Variants in NEBL observed in about 807,000 individuals in gnomAD.
NEBL encodes LIM and SH3 protein 2.
In NEBL, 122 loss-of-function variants were observed where a neutral mutation model predicts 140.2. The observed-to-expected ratio is 0.87, with a 90% CI of 0.75 to 1.01. NEBL has a LOEUF of 1.01. Among genes scored for constraint, NEBL ranks in the 50% least tolerant of loss-of-function variants. The pLI, the probability that NEBL is intolerant of heterozygous loss-of-function variation, is 0.00. For missense variants in NEBL, 1,365 were observed against 1,231.3 expected (o/e 1.11, Z -1.62); for synonymous variants, 436 against 398.9 (o/e 1.09, Z -1.11).
In NEBL at chr10:21,202,503, G is replaced by A. The variant is rs1455152055; in HGVS notation, n.349-30026C>T. On this transcript the variant is annotated intron_variant and non_coding_transcript_variant, in intron 3 of 8. Transcript: ENST00000675702. Reference sequence around the variant, plus strand: ...TTTTGAAACAGAGTCTTGCTCTGTCGCCCAGGCTGGAGTGCAGTGGCGTGA... The same window carrying A: ...TTTTGAAACAGAGTCTTGCTCTGTCACCCAGGCTGGAGTGCAGTGGCGTGA... Among the ~76,000 whole-genome samples, 6 of 124,538 alleles carry A rather than the reference G, an allele frequency of 4.8e-5. No homozygotes were observed. The South Asian group carries it at 7.3e-4, about 15-fold the overall frequency. The allele number at this position is 124,538 out of a possible 152,430, so 81.7% of individuals were successfully genotyped here. A position where few individuals can be genotyped will look rare whatever the true frequency, so the allele number is the denominator to read the frequency against.
At chr10:21,162,718 G>C (rs1840605214) in intron 2 of NEBL, among the ~76,000 whole-genome samples, 1 of 152,170 alleles carries the variant, frequency 6.6e-6, no homozygotes, top group Non-Finnish European at 1.5e-5. Flanking sequence ...TACAAAGCAG[G>C]CTCTTTGATA....
intron 4 of NEBL, among the ~76,000 whole-genome samples, chr10:20,916,867 G>GAAAAAGAATATA (rs1848578644): frequency 6.6e-6 from 1 of 152,146 alleles, no homozygotes; most frequent in Non-Finnish European, 1.5e-5. Context: ...TACAAGTCCT[G>GAAAAAGAATATA]CAGTGTATTG....
intron 1 of NEBL, among the ~76,000 whole-genome samples, chr10:21,280,619 CTTTTT>C (rs554320752): frequency 1.0e-5 from 1 of 98,134 alleles, no homozygotes. Context: ...TTTCTTTTTC[CTTTTT>C]TTTTTTTTTT....
chr10:20,879,978 G>A (rs574152946), intron 5 of NEBL, among the ~76,000 whole-genome samples: 7 of 152,268 alleles, frequency 4.6e-5, no homozygotes, highest in African/African-American at 1.7e-4. Context: ...GACTTCCTCC[G>A]TTTTGGCTTT....
intron 4 of NEBL, among the ~76,000 whole-genome samples, chr10:20,915,364 C>A (rs11012387): frequency 0.092 from 13,806 of 150,088 alleles, 686 homozygotes; most frequent in Admixed American, 0.12. Context: ...ACTAACTCAG[C>A]ATCTAGCATT....
At chr10:21,176,449 CA>C (rs1162963531), upstream of NEBL, among the ~76,000 whole-genome samples, 1 of 152,188 alleles carries the variant, frequency 6.6e-6, no homozygotes, top group African/African-American at 2.4e-5. Flanking sequence ...ATTTTTCTCT[CA>C]TTTTTTTCTC....
intron 26 of NEBL, among the ~76,000 whole-genome samples, chr10:20,797,750 C>G (rs1297612850): frequency 1.3e-5 from 2 of 151,992 alleles, no homozygotes; most frequent in African/African-American, 4.8e-5. Flanking sequence ...ACAGACAGAA[C>G]AGTAGACAAG....
At position 20,819,504 on chromosome 10, in the gene NEBL, C is replaced by A; in HGVS notation, c.1975G>T (p.Glu659Ter). The change falls in exon 20 of 28, where the codon GAG (glutamate) becomes TAG (stop). Residue 659 changes from glutamate (E) to a stop codon, truncating the protein, a stop_gained. Coordinates refer to ENST00000377122, the MANE Select transcript of NEBL (RefSeq NM_006393.3). LOFTEE classifies it high-confidence loss of function. The stretch of plus-strand genomic sequence containing the variant: ...ACCGGAGTGGCCTTGTAGTTTTGCT[C>A]TTTATACTGGAGCTGAGAGACAAGG... ...QKNISNLQYKEQNYKATPVSM... is the reference protein window; with the variant it reads ...QKNISNLQYK 6.2e-7 allele frequency: 1 copy of A among 1,614,000 alleles called. No homozygotes were observed. The highest frequency in any genetic ancestry group is 1.1e-5 in the South Asian group (1 of 91,068).
In NEBL at chr10:20,952,816, A is replaced by G. The variant is rs145449809; in HGVS notation, c.357+8856T>C. 1.8e-3 allele frequency among the ~76,000 whole-genome samples: 268 copies of G among 148,912 alleles called. 1 individual carries two copies. Among genetic ancestry groups the G allele is most frequent in the South Asian group, 4.5e-3 (21 of 4,644 alleles). On this transcript the variant is annotated intron_variant, in intron 4 of 6. Coordinates refer to the NEBL transcript ENST00000417816. ...GCTACTCAGGACACTGAGGCACGAG[A>G]ATTACTTGAACCCCGGAGGTGGAGG...
chr10:20,932,069 A>T (rs1048274088), intron 4 of NEBL, among the ~76,000 whole-genome samples: 1 of 152,094 alleles, frequency 6.6e-6, no homozygotes, highest in Non-Finnish European at 1.5e-5. Flanking sequence ...CAAACATTTC[A>T]TTCTTCAGCA....
chr10:20,818,824 C>T (rs1838988412), intron 20 of NEBL: 3 of 988,608 alleles, frequency 3.0e-6, no homozygotes, highest in Non-Finnish European at 3.6e-6. Flanking sequence ...CCTGGACACG[C>T]AGTTCATGCC....
chr10:20,811,698 C>G (rs1342843988), intron 24 of NEBL, among the ~76,000 whole-genome samples: 1 of 152,182 alleles, frequency 6.6e-6, no homozygotes, highest in African/African-American at 2.4e-5. Context: ...TAGCTTATCT[C>G]TAAATGGCCT....
At chr10:20,857,735 G>A (rs1843225977) in intron 9 of NEBL, among the ~76,000 whole-genome samples, 1 of 152,140 alleles carries the variant, frequency 6.6e-6, no homozygotes, top group South Asian at 2.1e-4. Flanking sequence ...TCTTCTGGTT[G>A]CCTTGACCGA....
chr10:20,998,015 A>C (rs1424575335), intron 3 of NEBL, among the ~76,000 whole-genome samples: 3 of 152,234 alleles, frequency 2.0e-5, no homozygotes, highest in African/African-American at 7.2e-5. Context: ...AATTAAATAC[A>C]ATAAAAGGCT....
intron 2 of NEBL, among the ~76,000 whole-genome samples, chr10:21,116,694 C>T (rs1838299631): frequency 6.6e-6 from 1 of 151,864 alleles, no homozygotes; most frequent in South Asian, 2.1e-4. Context: ...TTTTTGGAGA[C>T]AAGGTCTTGC....
At chr10:21,020,262 A>G (rs1414811383) in intron 2 of NEBL, 9 of 1,442,096 alleles carry the variant, frequency 6.2e-6, no homozygotes, top group Non-Finnish European at 8.8e-6. Context: ...CAACACTTTC[A>G]CACCCATTGT....
intron 7 of NEBL, 181 bp downstream of exon 7, chr10:20,868,483 C>A (rs957854652): frequency 1.7e-6 from 1 of 596,738 alleles, no homozygotes; most frequent in Non-Finnish European, 3.0e-6. Context: ...TAAAATTAGA[C>A]TTAATTTTTT....
rs111707351 is a variant in NEBL, at chr10:21,282,848, G to T, written n.182+9982C>A. Among the ~76,000 whole-genome samples the T allele has an allele frequency of 5.0e-3, 757 of 152,278 alleles. 3 individuals are homozygous for T. Among genetic ancestry groups the T allele is most frequent in the African/African-American group, 0.018 (730 of 41,562 alleles). On this transcript the variant is annotated intron_variant and non_coding_transcript_variant, in intron 1 of 8. Coordinates refer to the NEBL transcript ENST00000675702. ...ATTAAAAAAAGGTTGCAATAGGCAG[G>T]GCGCAGTGGCTCACGCCTGTAATCC...
rs932330032 is a variant in NEBL, at chr10:20,813,573, C to G, written c.2346+366G>C. On this transcript the variant is annotated intron_variant, in intron 23 of 27. Transcript: ENST00000377122. ...CTGATAATATAATTTTTAAAACACA[C>G]ATTTTTAAAAACACAGCTTTAAAAA... Among the ~76,000 whole-genome samples the G allele has an allele frequency of 4.6e-5, 7 of 152,238 alleles. No homozygotes were observed. In the East Asian group the frequency reaches 1.3e-3, roughly 29 times the overall value.
Sources: allele counts gnomAD v4.1 joint callset (sites outside exome capture counted in the v4.1 genomes callset), GRCh38; gene constraint gnomAD v4.1.1; transcripts MANE v1.5; gene names NCBI Gene and HGNC (gene_info 2026-07-23, HGNC 2026-07-21).